The following FYCO1 variants were observed in gnomAD, a reference collection of about 807,000 sequenced individuals.
FYCO1 encodes the protein FYVE and coiled-coil domain autophagy adaptor 1.
Under a neutral mutation model 165.1 loss-of-function variants are expected in FYCO1, and 122 were observed. The ratio of observed to expected loss-of-function variants is 0.74; its 90% CI spans 0.64 to 0.86. FYCO1 has a LOEUF of 0.86. Among genes scored for constraint, FYCO1 ranks in the 40% least tolerant of loss-of-function variants. FYCO1 has a pLI of 0.00. For missense variants in FYCO1, 1,702 were observed against 1,810.3 expected, an observed-to-expected ratio of 0.94 and a Z score of 1.09; for synonymous variants, 648 against 742.5, an observed-to-expected ratio of 0.87 and a Z score of 2.07.
intron 1 of FYCO1, among the ~76,000 whole-genome samples, chr3:45,991,355 C>T (rs1873001): frequency 0.56 from 84,763 of 152,070 alleles, 26,088 homozygotes; most frequent in East Asian, 0.95. Context: ...GCTCAGGTGA[C>T]TGCTGTCAGA....
In FYCO1 at chr3:45,959,549, CAA is replaced by C. The variant is rs536305273; in HGVS notation, c.3438-9_3438-8del. 9.0e-5 allele frequency: 145 copies of C among 1,613,772 alleles called. 1 individual carries two copies. In the Admixed American group the frequency reaches 2.0e-3, roughly 23 times the overall value. ...CCAGAGAGCATCCTTGTCCCTGGGA[CAA>C]AACCACATTGGAAGAAAAGGAGAGA... is the stretch of plus-strand genomic sequence containing the variant. On this transcript the variant is annotated splice_region_variant and splice_polypyrimidine_tract_variant and intron_variant, in intron 11 of 17. Transcript: ENST00000296137.
chr3:45,956,046 GA>G (rs1038431445), intron 13 of FYCO1, among the ~76,000 whole-genome samples: 4 of 152,052 alleles, frequency 2.6e-5, no homozygotes, highest in Non-Finnish European at 5.9e-5. Context: ...AGGCAAAAAT[GA>G]AAAAAACACT....
Position 45,967,931 on chromosome 3 carries a change from T to C in FYCO1, c.1403A>G (p.Gln468Arg). ...ELSGKGQEAD[Q>R]LWRRLQELLA... ...CAACTCCTGCAGCCGTCGCCAGAGC[T>C]GGTCTGCCTCCTGTCCCTTCCCAGA... Residue 468 changes from glutamine (Q) to arginine (R), a missense_variant, in exon 8 of 18, where the codon CAG becomes CGG. By Grantham distance (43) the Gln-to-Arg change is conservative. Coordinates refer to ENST00000296137, the MANE Select transcript of FYCO1 (RefSeq NM_024513.4). 6.2e-7 allele frequency: 1 copy of C among 1,614,156 alleles called. No homozygotes were observed. The highest frequency in any genetic ancestry group is 8.5e-7 in the Non-Finnish European group (1 of 1,180,036).
chr3:45,975,991 T>C (rs1706735416), intron 4 of FYCO1, among the ~76,000 whole-genome samples: 1 of 152,240 alleles, frequency 6.6e-6, no homozygotes. Context: ...CTGCCAACGC[T>C]TTCCTGGTTG....
chr3:45,982,888 G>T (rs1707125221), intron 2 of FYCO1, among the ~76,000 whole-genome samples: 1 of 152,184 alleles, frequency 6.6e-6, no homozygotes, highest in African/African-American at 2.4e-5. Flanking sequence ...GGCACTGACA[G>T]CCAGTGAGCC....
Position 45,921,527 on chromosome 3 carries a change from A to T in FYCO1, c.*238T>A. On this transcript the variant is annotated 3_prime_UTR_variant, in exon 18 of 18. Transcript: ENST00000296137. ...GCAGAGCATCCCTTTGGGTGTGACAACAGCTGAGTCTCTACTTAATGGAAA... is the reference window on the plus strand; with the variant it reads ...GCAGAGCATCCCTTTGGGTGTGACATCAGCTGAGTCTCTACTTAATGGAAA... 1 of 520,072 alleles carries T rather than the reference A, an allele frequency of 1.9e-6. No homozygotes were observed. Among genetic ancestry groups the T allele is most frequent in the Admixed American group, 3.1e-5 (1 of 32,734 alleles). The allele number at this position is 520,072 out of a possible 1,614,324, so 32.2% of individuals were successfully genotyped here. A position where few individuals can be genotyped will look rare whatever the true frequency, so the allele number is the denominator to read the frequency against.
In FYCO1 at chr3:45,918,170, A is replaced by T. The variant is rs1253978562; in HGVS notation, c.*3595T>A. 1 of 152,652 alleles carries T rather than the reference A, an allele frequency of 6.6e-6. No homozygotes were observed. The highest frequency in any genetic ancestry group is 1.9e-4 in the East Asian group (1 of 5,194). 9.5% of individuals were successfully genotyped at this position (152,652 alleles called of 1,614,324 possible). A position where few individuals can be genotyped will look rare whatever the true frequency, so the allele number is the denominator to read the frequency against. ...GCAATTCCAAATGTTGAGCCTTCCA[A>T]ATGAGGCTTGGGTATTGCTCTGCAG... On this transcript the variant is annotated 3_prime_UTR_variant, in exon 18 of 18. Transcript: ENST00000296137.
At chr3:45,959,913 C>T (rs2125840230) in intron 11 of FYCO1, among the ~76,000 whole-genome samples, 1 of 152,316 alleles carries the variant, frequency 6.6e-6, no homozygotes, top group Non-Finnish European at 1.5e-5. Context: ...AGCCCAAGGA[C>T]CATGAATGTA....
intron 14 of FYCO1, among the ~76,000 whole-genome samples, chr3:45,944,247 G>C (rs1408156232): frequency 3.9e-5 from 6 of 151,940 alleles, no homozygotes; most frequent in Admixed American, 3.3e-4. Flanking sequence ...CTGAGAAAAG[G>C]TCTGCAGTTT....
intron 4 of FYCO1, among the ~76,000 whole-genome samples, chr3:45,977,570 A>T: frequency 6.6e-6 from 1 of 151,816 alleles, no homozygotes; most frequent in Non-Finnish European, 1.5e-5. Context: ...CAGAACCCAC[A>T]TACACTATCC....
In FYCO1 at chr3:45,970,142, C is replaced by T. The variant is rs77896301; in HGVS notation, c.540-377G>A. On this transcript the variant is annotated intron_variant, in intron 6 of 17. Coordinates refer to ENST00000296137, the MANE Select transcript of FYCO1 (RefSeq NM_024513.4). Reference sequence around the variant, plus strand: ...CACTGTGCTTGGGGGCTCAGCTGCCCGCTCTGTATGACACAGCAACAGTGT... The same window carrying T: ...CACTGTGCTTGGGGGCTCAGCTGCCTGCTCTGTATGACACAGCAACAGTGT... Among the ~76,000 whole-genome samples the T allele has an allele frequency of 4.8e-3, 738 of 152,298 alleles. 10 individuals are homozygous for T. Among genetic ancestry groups the T allele is most frequent in the African/African-American group, 0.013 (527 of 41,562 alleles).
intron 14 of FYCO1, chr3:45,945,303 C>G (rs143980719): frequency 6.6e-6 from 1 of 152,246 alleles, no homozygotes; most frequent in African/African-American, 2.4e-5. Flanking sequence ...CCAGACATGG[C>G]TCCAGGTCAC....
chr3:45,957,927 C>T (rs760334371), intron 13 of FYCO1, among the ~76,000 whole-genome samples: 134 of 152,382 alleles, frequency 8.8e-4, no homozygotes, highest in Middle Eastern at 6.8e-3. Flanking sequence ...TGCTCAAAAC[C>T]GAAGCAGCAG....
chr3:45,940,135 T>C (rs1704138491), intron 14 of FYCO1, among the ~76,000 whole-genome samples: 1 of 152,210 alleles, frequency 6.6e-6, no homozygotes, highest in South Asian at 2.1e-4. Flanking sequence ...ATCCATTGCT[T>C]ATAAATTCCT....
At position 45,921,734 on chromosome 3, in the gene FYCO1, T is replaced by TGGATGAAA; in HGVS notation, c.*30_*31insTTTCATCC. 7.1e-7 allele frequency: 1 copy of TGGATGAAA among 1,404,060 alleles called. No individual in the cohort carries two copies. Among genetic ancestry groups the TGGATGAAA allele is most frequent in the East Asian group, 2.3e-5 (1 of 43,906 alleles). 87.0% of individuals were successfully genotyped at this position (1,404,060 alleles called of 1,614,324 possible). A position where few individuals can be genotyped will look rare whatever the true frequency, so the allele number is the denominator to read the frequency against. ...AGGTGAGGAAGAGCAGTGTTTCCTG[T>TGGATGAAA]GGATGAAGTGAAGTTACTGAGGTGC... On this transcript the variant is annotated 3_prime_UTR_variant, in exon 18 of 18. Coordinates refer to ENST00000296137, the MANE Select transcript of FYCO1 (RefSeq NM_024513.4).
intron 1 of FYCO1, among the ~76,000 whole-genome samples, chr3:45,988,815 C>T (rs1707435406): frequency 6.6e-6 from 1 of 152,184 alleles, no homozygotes; most frequent in East Asian, 1.9e-4. Context: ...CTTGGTACTA[C>T]TGTATGAGTT....
intron 2 of FYCO1, 41 bp from the exon 3 acceptor site, chr3:45,981,717 T>A: frequency 7.4e-7 from 1 of 1,355,322 alleles, no homozygotes; most frequent in Non-Finnish European, 1.1e-6. Flanking sequence ...AGATAGTGAC[T>A]AAACTCAGAC....
At chr3:45,984,304 T>C (rs912235832) in intron 2 of FYCO1, among the ~76,000 whole-genome samples, 13 of 152,176 alleles carry the variant, frequency 8.5e-5, no homozygotes, top group African/African-American at 3.1e-4. Flanking sequence ...TTTTCTCCAG[T>C]GAGATAAGGG....
At chr3:45,944,936 C>T (rs1056039022) in intron 14 of FYCO1, 5 of 152,144 alleles carry the variant, frequency 3.3e-5, no homozygotes, top group African/African-American at 1.2e-4. Flanking sequence ...AATACAGTGC[C>T]CCAGAGAGCT....
Sources: allele counts gnomAD v4.1 joint callset (sites outside exome capture counted in the v4.1 genomes callset), GRCh38; gene constraint gnomAD v4.1.1; transcripts MANE v1.5; gene names NCBI Gene and HGNC (gene_info 2026-07-23, HGNC 2026-07-21).